CRTAC1: variants seen among roughly 807,000 people sequenced by gnomAD.
CRTAC1 encodes acidic secreted protein in cartilage.
CRTAC1 carries 37 observed loss-of-function variants against 67.8 expected under a neutral mutation model. That is an observed-to-expected ratio of 0.55 (90% CI 0.42 to 0.72). CRTAC1 has a LOEUF of 0.72. CRTAC1 is among the 30% of genes least tolerant of loss of function. The pLI is 0.00. For missense variants in CRTAC1, 780 were observed against 931.6 expected (o/e 0.84, Z 2.12); for synonymous variants, 348 against 371.0 (o/e 0.94, Z 0.71).
chr10:97,890,693 G>GT, intron 11 of CRTAC1, among the ~76,000 whole-genome samples: 1 of 148,464 alleles, frequency 6.7e-6, no homozygotes, highest in Non-Finnish European at 1.5e-5. Context: ...TTGAGACGGA[G>GT]TTTCGCTTTT....
chr10:97,880,566 G>C (rs1394146514), intron 13 of CRTAC1, among the ~76,000 whole-genome samples, 174 bp from the exon 14 acceptor site: 2 of 152,142 alleles, frequency 1.3e-5, no homozygotes, highest in East Asian at 1.9e-4. Context: ...CTACATGCTG[G>C]GGGCAGGGGG....
intron 2 of CRTAC1, among the ~76,000 whole-genome samples, chr10:97,995,097 A>T (rs1842535160): frequency 6.6e-6 from 1 of 152,204 alleles, no homozygotes; most frequent in South Asian, 2.1e-4. Flanking sequence ...AGGGGGAAGG[A>T]ATCTTTTCTG....
intron 5 of CRTAC1, among the ~76,000 whole-genome samples, chr10:97,910,115 G>T (rs778806343): frequency 2.4e-4 from 37 of 152,212 alleles, no homozygotes; most frequent in Non-Finnish European, 4.3e-4. Flanking sequence ...GGAGGAATAA[G>T]TTCAAGAGAT....
chr10:97,936,469 G>T, intron 2 of CRTAC1, 103 bp from the exon 3 acceptor site: 1 of 899,314 alleles, frequency 1.1e-6, no homozygotes, highest in Non-Finnish European at 1.7e-6. Flanking sequence ...ACACGCCATG[G>T]GGCAAGTCAG....
intron 2 of CRTAC1, among the ~76,000 whole-genome samples, chr10:98,005,359 C>T (rs1370445642): frequency 6.6e-6 from 1 of 150,430 alleles, no homozygotes; most frequent in Non-Finnish European, 1.5e-5. Flanking sequence ...CCTGCCTCGG[C>T]CTCCCAAAGT....
At chr10:97,874,534 A>G (rs1011190319) in intron 14 of CRTAC1, among the ~76,000 whole-genome samples, 2 of 152,104 alleles carry the variant, frequency 1.3e-5, no homozygotes, top group African/African-American at 4.8e-5. Context: ...CGTCCTGCCC[A>G]TCTCTCCCAC....
At chr10:97,893,587 A>G (rs1314715551) in intron 11 of CRTAC1, among the ~76,000 whole-genome samples, 1 of 152,182 alleles carries the variant, frequency 6.6e-6, no homozygotes. Flanking sequence ...TAAAATAATT[A>G]TAGATTCACA....
intron 2 of CRTAC1, among the ~76,000 whole-genome samples, chr10:97,951,447 C>T (rs76607298): frequency 0.016 from 2,394 of 152,288 alleles, 71 homozygotes; most frequent in African/African-American, 0.054. Context: ...CTACTAAAAG[C>T]GGTCATTCAG....
intron 2 of CRTAC1, among the ~76,000 whole-genome samples, chr10:97,978,907 A>C (rs2136660937): frequency 6.6e-6 from 1 of 152,336 alleles, no homozygotes; most frequent in African/African-American, 2.4e-5. Flanking sequence ...CAGCCACTAG[A>C]ACACAGCCTG....
rs1017598654 is a variant in CRTAC1, at chr10:97,975,277, T to A, written c.224+35861A>T. On this transcript the variant is annotated intron_variant, in intron 2 of 14. Coordinates refer to ENST00000370597, the MANE Select transcript of CRTAC1 (RefSeq NM_018058.7). The surrounding 1 kb of genome is among the most constrained non-coding windows in gnomAD (Gnocchi z 4.8). The stretch of plus-strand genomic sequence containing the variant: ...CCGGGGCCCGGCTGACTGATGCGGC[T>A]GTCCTCAGCCCCCTCACGGAGCACG... 6.6e-6 allele frequency among the ~76,000 whole-genome samples: 1 copy of A among 152,038 alleles called. No homozygotes were observed. Among genetic ancestry groups the A allele is most frequent in the Non-Finnish European group, 1.5e-5 (1 of 67,980 alleles).
At chr10:98,011,458 C>A in intron 1 of CRTAC1, 121 bp from the exon 2 acceptor site, 1 of 1,149,252 alleles carries the variant, frequency 8.7e-7, no homozygotes, top group Non-Finnish European at 1.2e-6. Context: ...CTTGACAGTG[C>A]CTAGGCTGCT....
intron 2 of CRTAC1, among the ~76,000 whole-genome samples, chr10:97,968,944 C>T (rs2051662220): frequency 7.9e-5 from 12 of 152,168 alleles, no homozygotes; most frequent in Admixed American, 7.9e-4. Context: ...AAAACCATAT[C>T]TCTAGGTGAT....
intron 1 of CRTAC1, among the ~76,000 whole-genome samples, chr10:98,019,756 T>A (rs1843077873): frequency 6.6e-6 from 1 of 152,142 alleles, no homozygotes; most frequent in Non-Finnish European, 1.5e-5. Context: ...CAGAGAAGCC[T>A]GCAGTGGGCA....
At chr10:97,999,788 A>G (rs1317465567) in intron 2 of CRTAC1, among the ~76,000 whole-genome samples, 2 of 152,186 alleles carry the variant, frequency 1.3e-5, no homozygotes, top group Non-Finnish European at 2.9e-5. Context: ...TCTGAGGCCC[A>G]TAAAAGCCCT....
At chr10:97,865,990 G>A (rs1342603104) in intron 14 of CRTAC1, 6 of 436,730 alleles carry the variant, frequency 1.4e-5, no homozygotes, top group Non-Finnish European at 2.0e-5. Flanking sequence ...GCTGGGGTGG[G>A]GAGAACACAA....
In CRTAC1 at chr10:97,895,024, G is replaced by C. The variant is rs1257194504; in HGVS notation, c.1486+221C>G. On this transcript the variant is annotated intron_variant, in intron 11 of 14. Coordinates refer to ENST00000370597, the MANE Select transcript of CRTAC1 (RefSeq NM_018058.7). This position sits in a 1 kb window ranked among gnomAD's most constrained non-coding sequence, Gnocchi z 4.2. ...AATTCCACAGAGGCACTGGGGTGGG[G>C]ACTCCAGCAAGTGAGATGCATGAAA... Among the ~76,000 whole-genome samples the C allele has an allele frequency of 6.6e-6, 1 of 151,806 alleles. No homozygotes were observed. Among genetic ancestry groups the C allele is most frequent in the Non-Finnish European group, 1.5e-5 (1 of 67,946 alleles).
intron 5 of CRTAC1, among the ~76,000 whole-genome samples, chr10:97,914,320 G>A (rs926277002): frequency 6.6e-6 from 1 of 152,170 alleles, no homozygotes; most frequent in Non-Finnish European, 1.5e-5. Context: ...CCCAGGAGGT[G>A]CCCAGCAGAA....
chr10:97,997,358 C>A, intron 2 of CRTAC1, among the ~76,000 whole-genome samples: 1 of 143,090 alleles, frequency 7.0e-6, no homozygotes, highest in East Asian at 2.0e-4. Context: ...GATGCTGAGG[C>A]AGGAGAAACG....
chr10:97,867,572 C>T (rs3750606), intron 14 of CRTAC1: 16,028 of 152,354 alleles, frequency 0.11, 1,490 homozygotes, highest in African/African-American at 0.25. Flanking sequence ...CCTGGAGAGC[C>T]GCAGTTCAGT....
Sources: gnomAD v4.1 joint callset for allele counts (sites outside exome capture counted in the v4.1 genomes callset) on GRCh38, gnomAD v4.1.1 for gene constraint, Gnocchi (gnomAD v3.1) non-coding constraint, MANE v1.5 for transcripts, NCBI Gene and HGNC (gene_info 2026-07-23, HGNC 2026-07-21) for gene names.